Variants in HADH observed in about 807,000 individuals in gnomAD.
The protein encoded by HADH is hydroxyacyl-coenzyme A dehydrogenase, mitochondrial.
HADH carries 24 observed loss-of-function variants against 32.2 expected under a neutral mutation model. The ratio of observed to expected loss-of-function variants is 0.75; its 90% CI spans 0.54 to 1.05. HADH has a LOEUF of 1.05. HADH is among the 50% of genes least tolerant of loss of function. HADH has a pLI of 0.00. For missense variants in HADH, 350 were observed against 397.1 expected, an observed-to-expected ratio of 0.88 and a Z score of 1.01; for synonymous variants, 139 against 152.5, an observed-to-expected ratio of 0.91 and a Z score of 0.65.
intron 4 of HADH, among the ~76,000 whole-genome samples, chr4:108,021,403 C>A (rs574968462): frequency 6.6e-6 from 1 of 152,226 alleles, no homozygotes; most frequent in South Asian, 2.1e-4. Flanking sequence ...TAAAAGTGTT[C>A]TTCTCTATTC....
intron 3 of HADH, 53 bp downstream of exon 3, chr4:108,014,641 T>A: frequency 1.3e-6 from 2 of 1,488,676 alleles, no homozygotes; most frequent in Non-Finnish European, 1.9e-6. Flanking sequence ...CTTATTTTTG[T>A]TTTTCATTTT....
chr4:108,004,725 A>T, intron 1 of HADH: 1 of 1,532,560 alleles, frequency 6.5e-7, no homozygotes, highest in Non-Finnish European at 8.7e-7. Context: ...TGAAGAGAGA[A>T]GTTAGATGGA....
At chr4:108,012,361 GAAAT>G (rs1213086877) in intron 2 of HADH, among the ~76,000 whole-genome samples, 3 of 152,198 alleles carry the variant, frequency 2.0e-5, no homozygotes, top group African/African-American at 7.2e-5. Context: ...AATAGCACTT[GAAAT>G]AAATTTAATT....
intron 3 of HADH, among the ~76,000 whole-genome samples, chr4:108,018,531 GC>G (rs1349521040): frequency 6.6e-6 from 1 of 152,110 alleles, no homozygotes; most frequent in Non-Finnish European, 1.5e-5. Flanking sequence ...GCTCTCCGCT[GC>G]CTACCCACAC....
At chr4:107,996,675 C>A (rs1734967263) in intron 1 of HADH, among the ~76,000 whole-genome samples, 1 of 152,208 alleles carries the variant, frequency 6.6e-6, no homozygotes, top group Non-Finnish European at 1.5e-5. Flanking sequence ...GAGCAGATCA[C>A]TTGAAGTCAG....
intron 1 of HADH, among the ~76,000 whole-genome samples, chr4:107,994,065 A>G (rs2126217814): frequency 6.6e-6 from 1 of 152,298 alleles, no homozygotes. Flanking sequence ...ATTACTTGTG[A>G]GGAGCCAGTG....
intron 1 of HADH, among the ~76,000 whole-genome samples, chr4:108,003,832 A>C (rs1185637287): frequency 3.3e-5 from 5 of 152,034 alleles, no homozygotes; most frequent in Admixed American, 6.6e-5. Flanking sequence ...AAAAACAAAA[A>C]AAAAACCCGC....
chr4:108,013,226 C>T (rs1309788561), intron 2 of HADH, among the ~76,000 whole-genome samples: 4 of 152,196 alleles, frequency 2.6e-5, no homozygotes, highest in African/African-American at 4.8e-5. Flanking sequence ...CCACTGCGCC[C>T]GGACCATCTG....
At chr4:108,025,386 C>T (rs1188394230) in intron 5 of HADH, 1 of 152,090 alleles carries the variant, frequency 6.6e-6, no homozygotes, top group Non-Finnish European at 1.5e-5. Context: ...AGCTACTTAA[C>T]CTCGCTGTGC....
chr4:108,027,606 G>A, intron 5 of HADH, 82 bp from the exon 6 acceptor site: 2 of 879,048 alleles, frequency 2.3e-6, no homozygotes, highest in Non-Finnish European at 3.9e-6. Context: ...TCCAGGGTAA[G>A]AAGGGGCAAT....
chr4:108,027,508 T>G, intron 5 of HADH, 180 bp from the exon 6 acceptor site: 2 of 666,894 alleles, frequency 3.0e-6, no homozygotes, highest in Non-Finnish European at 2.7e-6. Flanking sequence ...AGTACTATGA[T>G]TGTTGGATAA....
At chr4:108,021,551 ACT>A (rs1735885642) in intron 4 of HADH, among the ~76,000 whole-genome samples, 2 of 151,994 alleles carry the variant, frequency 1.3e-5, no homozygotes, top group East Asian at 3.9e-4. Flanking sequence ...TTTTTTTCAG[ACT>A]CTGTTGGAAC....
intron 1 of HADH, among the ~76,000 whole-genome samples, chr4:108,009,551 T>C (rs377305955): frequency 2.0e-5 from 3 of 152,190 alleles, no homozygotes; most frequent in East Asian, 1.9e-4. Flanking sequence ...ATTTGTTGTA[T>C]TCAATATAAA....
At chr4:108,020,940 A>G (rs1444975140) in intron 4 of HADH, among the ~76,000 whole-genome samples, 1 of 152,196 alleles carries the variant, frequency 6.6e-6, no homozygotes, top group East Asian at 1.9e-4. Flanking sequence ...TTAATAAGTC[A>G]TAATAATGAC....
intron 2 of HADH, among the ~76,000 whole-genome samples, chr4:108,011,851 A>G (rs758480407): frequency 1.3e-5 from 2 of 152,082 alleles, no homozygotes; most frequent in Non-Finnish European, 2.9e-5. Context: ...TATTGTAGCC[A>G]TCTTAGGTGT....
intron 1 of HADH, among the ~76,000 whole-genome samples, chr4:108,001,645 A>G (rs1341066458): frequency 6.6e-6 from 1 of 152,180 alleles, no homozygotes; most frequent in East Asian, 1.9e-4. Flanking sequence ...TCCTATACAT[A>G]CTATGTCTTT....
rs1321586396 is a variant in HADH, at chr4:108,034,942, TG to T, written c.*587del. On this transcript the variant is annotated 3_prime_UTR_variant, in exon 8 of 8. Coordinates refer to ENST00000309522, the MANE Select transcript of HADH (RefSeq NM_005327.7). ...ATGGGTCAGCATATCTCTGTTTGCA[TG>T]GTTTGCAGGAGGTCGGTTTTCATGG... is the stretch of plus-strand genomic sequence containing the variant. The T allele has an allele frequency of 5.9e-6, 1 of 169,846 alleles. No homozygotes were observed. 10.5% of individuals were successfully genotyped at this position (169,846 alleles called of 1,614,324 possible).
rs761180931 is a variant in HADH at position 107,990,059 on chromosome 4, G to T, written c.127G>T (p.Ala43Ser). Residue 43 changes from alanine (A) to serine (S), a missense_variant, in exon 1 of 8, where the codon GCC (alanine) becomes TCC (serine). By Grantham distance (99) the Ala-to-Ser change is moderately conservative. Transcript: ENST00000309522. ...CGGCGGGCTGATGGGCGCCGGCATT[G>T]CCCAGGTGAGCGGCCCTCCCTGCAG... ...IGGGLMGAGI[A>S]QVAAATGHTV... 9.3e-6 allele frequency: 15 copies of T among 1,608,810 alleles called. No homozygotes were observed. In the South Asian group the frequency reaches 1.3e-4, roughly 14 times the overall value.
At chr4:107,998,462 T>C (rs537811025) in intron 1 of HADH, among the ~76,000 whole-genome samples, 1 of 152,154 alleles carries the variant, frequency 6.6e-6, no homozygotes, top group Non-Finnish European at 1.5e-5. Context: ...GTATTTTTAG[T>C]AGAGACAGGG....
Sources: allele counts gnomAD v4.1 joint callset (sites outside exome capture counted in the v4.1 genomes callset), GRCh38; gene constraint gnomAD v4.1.1; transcripts MANE v1.5; gene names NCBI Gene and HGNC (gene_info 2026-07-23, HGNC 2026-07-21).